Variants in FAM178B observed in about 807,000 individuals in gnomAD.
FAM178B encodes the protein protein FAM178B.
Under a neutral mutation model 91.7 loss-of-function variants are expected in FAM178B, and 82 were observed. The ratio of observed to expected loss-of-function variants is 0.89; its 90% CI spans 0.75 to 1.07. The LOEUF is 1.07. FAM178B is among the 50% of genes least tolerant of loss of function. FAM178B has a pLI of 0.00. For missense variants in FAM178B, 769 were observed against 846.7 expected, an observed-to-expected ratio of 0.91 and a Z score of 1.14; for synonymous variants, 368 against 359.4, an observed-to-expected ratio of 1.02 and a Z score of -0.27.
At chr2:96,941,876 A>C (rs1186125179) in intron 8 of FAM178B, among the ~76,000 whole-genome samples, 1 of 152,248 alleles carries the variant, frequency 6.6e-6, no homozygotes, top group Non-Finnish European at 1.5e-5. Context: ...GTTAACGGAC[A>C]GTCATATACC....
At chr2:96,900,860 T>C (rs1220961818) in intron 13 of FAM178B, among the ~76,000 whole-genome samples, 1 of 152,194 alleles carries the variant, frequency 6.6e-6, no homozygotes, top group Non-Finnish European at 1.5e-5. Flanking sequence ...CACCCAGGGA[T>C]GTGCTGGAAC....
intron 8 of FAM178B, among the ~76,000 whole-genome samples, chr2:96,943,212 G>A (rs1185304998): frequency 6.6e-6 from 1 of 152,184 alleles, no homozygotes. Flanking sequence ...CCCACAAAAT[G>A]AGAGAAAACA....
chr2:96,929,666 C>T (rs115648382), intron 8 of FAM178B, among the ~76,000 whole-genome samples: 9,898 of 152,302 alleles, frequency 0.065, 545 homozygotes, highest in Non-Finnish European at 0.088. Flanking sequence ...CCAGAGGCCC[C>T]GAGCTACAAG....
At chr2:96,896,044 C>T (rs2080817028) in intron 13 of FAM178B, among the ~76,000 whole-genome samples, 1 of 152,216 alleles carries the variant, frequency 6.6e-6, no homozygotes, top group East Asian at 1.9e-4. Flanking sequence ...TGCCACCTTC[C>T]TCAGGCTTCA....
chr2:96,899,031 G>C (rs906425610), intron 13 of FAM178B, among the ~76,000 whole-genome samples: 3 of 152,210 alleles, frequency 2.0e-5, no homozygotes, highest in Admixed American at 2.0e-4. Context: ...GTTTCAGGAA[G>C]GTCTGACAGG....
intron 12 of FAM178B, among the ~76,000 whole-genome samples, chr2:96,905,832 A>ATGTATATATACGTATATATATATATG (rs1559063948): frequency 3.9e-5 from 1 of 25,844 alleles, no homozygotes; most frequent in East Asian, 7.6e-4. Flanking sequence ...ATATATATAT[A>ATGTATATATACGTATATATATATATG]TATATATATA....
chr2:96,929,370 G>A (rs2081502598), intron 8 of FAM178B, 50 bp from the exon 9 acceptor site: 1 of 1,371,542 alleles, frequency 7.3e-7, no homozygotes, highest in East Asian at 2.5e-5. Flanking sequence ...CGGAGGGCAG[G>A]GTGCACCACT....
chr2:96,929,643 G>A (rs543176075), intron 8 of FAM178B, among the ~76,000 whole-genome samples: 233 of 152,350 alleles, frequency 1.5e-3, no homozygotes, highest in South Asian at 3.7e-3. Flanking sequence ...CAAGTGACAC[G>A]AAGAGTCCTG....
chr2:96,901,071 C>A (rs572773449), intron 13 of FAM178B, among the ~76,000 whole-genome samples: 2 of 152,288 alleles, frequency 1.3e-5, no homozygotes, highest in South Asian at 4.1e-4. Flanking sequence ...CTGCCAGTGA[C>A]CCCTTCATCA....
At position 96,885,178 on chromosome 2, in the gene FAM178B, A is replaced by G. The variant is rs554151344; in HGVS notation, c.1777-6685T>C. 3.2e-4 allele frequency among the ~76,000 whole-genome samples: 49 copies of G among 152,390 alleles called. 1 individual carries two copies. Among genetic ancestry groups the G allele is most frequent in the African/African-American group, 1.1e-3 (45 of 41,596 alleles). On this transcript the variant is annotated intron_variant, in intron 14 of 16. Coordinates refer to ENST00000490605, the MANE Select transcript of FAM178B (RefSeq NM_001122646.3). ...GGTTAATGGGAGACAGGCTGGCAGC[A>G]GCTGGACAGGCAGGACTTCCGGCTC...
chr2:96,945,344 A>G (rs562358896), intron 8 of FAM178B, among the ~76,000 whole-genome samples: 1 of 150,410 alleles, frequency 6.6e-6, no homozygotes, highest in South Asian at 2.1e-4. Context: ...CACACCCGTA[A>G]TAGTCAATGC....
chr2:96,957,258 A>T (rs970476101), intron 6 of FAM178B, among the ~76,000 whole-genome samples: 2 of 152,150 alleles, frequency 1.3e-5, no homozygotes, highest in African/African-American at 2.4e-5. Flanking sequence ...TCCCACTCTT[A>T]TGTCTGGCCT....
At chr2:96,897,219 G>A (rs527895263) in intron 13 of FAM178B, among the ~76,000 whole-genome samples, 2 of 152,224 alleles carry the variant, frequency 1.3e-5, no homozygotes, top group South Asian at 2.1e-4. Flanking sequence ...TCCCTGGAAT[G>A]TAAACTCTCT....
chr2:96,921,304 C>T lies in FAM178B; in HGVS notation c.1465-42G>A, dbSNP rs775103481. On this transcript the variant is annotated intron_variant, in intron 11 of 16. Transcript: ENST00000490605. Reference sequence around the variant, plus strand: ...CCCCATGGGCTACAGGAGGACACCGCCTTCCCCTTGCTCTCGCCACCCAGC... The same window carrying T: ...CCCCATGGGCTACAGGAGGACACCGTCTTCCCCTTGCTCTCGCCACCCAGC... 25 of 1,538,098 alleles carry T rather than the reference C, an allele frequency of 1.6e-5. 1 individual carries two copies. The highest frequency in any genetic ancestry group is 1.7e-4 in the Middle Eastern group (1 of 5,820).
intron 13 of FAM178B, among the ~76,000 whole-genome samples, chr2:96,896,165 C>T (rs557868722): frequency 4.6e-5 from 7 of 152,328 alleles, no homozygotes; most frequent in South Asian, 2.1e-4. Context: ...GGGCAGGCCT[C>T]GCCCAGCCGG....
At chr2:96,967,407 A>G in intron 5 of FAM178B, 113 bp downstream of exon 5, 1 of 631,484 alleles carries the variant, frequency 1.6e-6, no homozygotes, top group Non-Finnish European at 2.8e-6. Flanking sequence ...TAGAATTCAC[A>G]AATAGTACAC....
intron 12 of FAM178B, among the ~76,000 whole-genome samples, chr2:96,913,924 C>T (rs1288269159): frequency 1.3e-5 from 2 of 152,184 alleles, no homozygotes; most frequent in Admixed American, 6.5e-5. Flanking sequence ...GAGGAGGGTG[C>T]GAGGAAGACG....
intron 16 of FAM178B, 106 bp from the exon 17 acceptor site, chr2:96,876,414 C>T: frequency 1.4e-6 from 2 of 1,412,170 alleles, no homozygotes; most frequent in Non-Finnish European, 1.9e-6. Context: ...ATCGCAGGCT[C>T]ATGCCAGGGG....
intron 12 of FAM178B, among the ~76,000 whole-genome samples, chr2:96,903,913 C>G (rs1379864718): frequency 1.3e-5 from 2 of 152,132 alleles, no homozygotes; most frequent in Non-Finnish European, 2.9e-5. Context: ...AGTCAGAGGA[C>G]TCGACAAAGC....
Sources: allele counts gnomAD v4.1 joint callset (sites outside exome capture counted in the v4.1 genomes callset), GRCh38; gene constraint gnomAD v4.1.1; transcripts MANE v1.5; gene names NCBI Gene and HGNC (gene_info 2026-07-23, HGNC 2026-07-21).